LPP: variants seen among roughly 807,000 people sequenced by gnomAD.
LPP encodes lipoma-preferred partner.
In LPP, 38 loss-of-function variants were observed where a neutral mutation model predicts 60.4. The ratio of observed to expected loss-of-function variants is 0.63; its 90% confidence interval spans 0.49 to 0.83. The LOEUF (loss-of-function observed/expected upper bound fraction) is 0.83. Among genes scored for constraint, LPP ranks in the 40% least tolerant of loss-of-function variants. The pLI is 0.00. For synonymous variants in LPP, 328 were observed against 290.8 expected (o/e 1.13, Z -1.30); for missense variants, 902 against 783.6 (o/e 1.15, Z -1.80).
chr3:188,358,760 C>T lies in LPP; in HGVS notation c.-10+17041C>T, dbSNP rs552823101. Among the ~76,000 whole-genome samples the T allele has an allele frequency of 3.4e-4, 51 of 152,206 alleles. No individual in the cohort carries two copies. The South Asian group carries it at 0.01, about 30-fold the overall frequency. ...AGGGATCTGAGTGGGAAGATGCAAG[C>T]GTTCCAAAAGCATATTCGCAATCTC... On this transcript the variant is annotated intron_variant, in intron 3 of 11. Transcript: ENST00000617246.
intron 9 of LPP, among the ~76,000 whole-genome samples, chr3:188,825,269 C>CTCTCTCTG (rs1463318065): frequency 0.071 from 7,227 of 101,680 alleles, 376 homozygotes; most frequent in Non-Finnish European, 0.1. Context: ...CTCTCTCTCT[C>CTCTCTCTG]TGTGTGTGTG....
At chr3:188,381,214 G>T (rs1021513861) in intron 3 of LPP, among the ~76,000 whole-genome samples, 1 of 152,144 alleles carries the variant, frequency 6.6e-6, no homozygotes, top group African/African-American at 2.4e-5. Context: ...AGATTATGAG[G>T]CTTTAACACA....
At chr3:188,241,805 G>C (rs1011317873) in intron 2 of LPP, among the ~76,000 whole-genome samples, 1 of 152,144 alleles carries the variant, frequency 6.6e-6, no homozygotes, top group Admixed American at 6.6e-5. Flanking sequence ...TTTCTAGAAA[G>C]AGTTTATTTT....
At chr3:188,320,316 C>A (rs183554574) in intron 2 of LPP, among the ~76,000 whole-genome samples, 11 of 152,308 alleles carry the variant, frequency 7.2e-5, no homozygotes, top group African/African-American at 2.4e-4. Context: ...TCACATGGAC[C>A]TCAAAGTTCA....
intron 8 of LPP, among the ~76,000 whole-genome samples, chr3:188,717,345 G>A (rs1438912000): frequency 6.6e-6 from 1 of 152,220 alleles, no homozygotes; most frequent in Non-Finnish European, 1.5e-5. Flanking sequence ...CAACTGAGAG[G>A]TGTAAAGTAA....
At chr3:188,213,166 G>A (rs1449147665) in intron 1 of LPP, 1 of 152,188 alleles carries the variant, frequency 6.6e-6, no homozygotes, top group Non-Finnish European at 1.5e-5. Context: ...GGATGTCTGT[G>A]GACATGTAGG....
intron 9 of LPP, among the ~76,000 whole-genome samples, chr3:188,767,899 A>G (rs1450859321): frequency 6.6e-6 from 1 of 152,150 alleles, no homozygotes; most frequent in Non-Finnish European, 1.5e-5. Flanking sequence ...TTAAAATAAA[A>G]CATTGTTGAT....
chr3:188,369,306 T>A (rs957302418), intron 3 of LPP, among the ~76,000 whole-genome samples: 15 of 152,122 alleles, frequency 9.9e-5, no homozygotes, highest in African/African-American at 2.9e-4. Context: ...TTTTTTTTTT[T>A]AAATTCTCCA....
intron 2 of LPP, among the ~76,000 whole-genome samples, chr3:188,326,611 G>A (rs1242469886): frequency 1.3e-5 from 2 of 152,144 alleles, no homozygotes; most frequent in Non-Finnish European, 2.9e-5. Context: ...TAAAGTGGTT[G>A]TACTTAAAGT....
At chr3:188,688,791 C>T (rs1333547053) in intron 7 of LPP, 2 of 531,016 alleles carry the variant, frequency 3.8e-6, no homozygotes, top group South Asian at 1.4e-5. Context: ...GGTCCTTGCC[C>T]TCAAGGAGCT....
intron 1 of LPP, chr3:188,179,762 T>C: frequency 3.0e-6 from 1 of 327,996 alleles, no homozygotes; most frequent in Non-Finnish European, 6.0e-6. Context: ...TTGCAGCAGC[T>C]TCCCCTCTCC....
intron 8 of LPP, among the ~76,000 whole-genome samples, chr3:188,752,395 A>G (rs1728389081): frequency 6.6e-6 from 1 of 152,226 alleles, no homozygotes; most frequent in Non-Finnish European, 1.5e-5. Flanking sequence ...CTAGGCTGCC[A>G]ATAGCTAGTA....
chr3:188,879,980 A>C lies in LPP; in HGVS notation c.*5501A>C, dbSNP rs754274436. 1 of 177,482 alleles carries C rather than the reference A, an allele frequency of 5.6e-6. No individual in the cohort carries two copies. The highest frequency in any genetic ancestry group is 1.2e-5 in the Non-Finnish European group (1 of 82,986). 11.0% of individuals were successfully genotyped at this position (177,482 alleles called of 1,614,324 possible). On this transcript the variant is annotated 3_prime_UTR_variant, in exon 12 of 12. Coordinates refer to ENST00000617246, the MANE Select transcript of LPP (RefSeq NM_001375462.1). ...GGACTCTATCTTAGTTACAACATGC[A>C]TGTCCCTTATTTTGTGGAGAGCTGT...
chr3:188,769,739 C>T (rs910218425), intron 9 of LPP, among the ~76,000 whole-genome samples: 5 of 152,074 alleles, frequency 3.3e-5, no homozygotes, highest in African/African-American at 9.7e-5. Context: ...TCTTTGGGAC[C>T]GACATGAAGG....
intron 2 of LPP, among the ~76,000 whole-genome samples, chr3:188,266,371 C>T (rs770849074): frequency 1.3e-5 from 2 of 152,116 alleles, no homozygotes; most frequent in Non-Finnish European, 1.5e-5. Flanking sequence ...ACAGATGATA[C>T]GTTTTTTAGA....
Position 188,878,849 on chromosome 3 carries a change from G to A in LPP, c.*4370G>A, listed in dbSNP as rs139333016. 3.8e-3 allele frequency: 808 copies of A among 210,630 alleles called. 8 individuals carry two copies. Among genetic ancestry groups the A allele is most frequent in the African/African-American group, 0.017 (766 of 43,994 alleles). 13.0% of individuals were successfully genotyped at this position (210,630 alleles called of 1,614,324 possible). A position where few individuals can be genotyped will look rare whatever the true frequency, so the allele number is the denominator to read the frequency against. The stretch of plus-strand genomic sequence containing the variant: ...TTCTAGTAGTATTTATTTTTTCCTT[G>A]TCTTGGAAGTATCTCATAGGTCTTT... On this transcript the variant is annotated 3_prime_UTR_variant, in exon 12 of 12. Transcript: ENST00000617246.
chr3:188,517,843 A>G lies in LPP; in HGVS notation c.307-6822A>G, dbSNP rs541750694. Among the ~76,000 whole-genome samples the G allele has an allele frequency of 2.6e-5, 4 of 152,218 alleles. No individual in the cohort carries two copies. In the East Asian group the frequency reaches 7.7e-4, roughly 29 times the overall value. Reference sequence around the variant, plus strand: ...GGGAGTTATGGGAGTACAATTTAAGATGAGATTTGGATAGGGACACAGAGC... The same window carrying G: ...GGGAGTTATGGGAGTACAATTTAAGGTGAGATTTGGATAGGGACACAGAGC... On this transcript the variant is annotated intron_variant, in intron 5 of 11. Coordinates refer to ENST00000617246, the MANE Select transcript of LPP (RefSeq NM_001375462.1).
intron 3 of LPP, among the ~76,000 whole-genome samples, chr3:188,362,610 G>A (rs1176273417): frequency 1.3e-5 from 2 of 152,250 alleles, no homozygotes; most frequent in Admixed American, 6.5e-5. Flanking sequence ...TTAGATCGAC[G>A]TGTTTACAAT....
Position 188,884,352 on chromosome 3 carries a change from A to C in LPP, c.*9873A>C. 4.3e-6 allele frequency: 1 copy of C among 230,696 alleles called. No individual in the cohort carries two copies. Among genetic ancestry groups the C allele is most frequent in the Non-Finnish European group, 8.6e-6 (1 of 116,492 alleles). The allele number at this position is 230,696 out of a possible 1,614,324, so 14.3% of individuals were successfully genotyped here. On this transcript the variant is annotated 3_prime_UTR_variant, in exon 12 of 12. Coordinates refer to ENST00000617246, the MANE Select transcript of LPP (RefSeq NM_001375462.1). ...GGACAATATCGACTTCTTACAGACT[A>C]CCAAGCCCCCAGTCATCCAGGGAAA...
Sources: allele counts gnomAD v4.1 joint callset (sites outside exome capture counted in the v4.1 genomes callset), GRCh38; gene constraint gnomAD v4.1.1; transcripts MANE v1.5; gene names NCBI Gene and HGNC (gene_info 2026-07-23, HGNC 2026-07-21).